The following EVA1A variants were observed in gnomAD, a reference collection of about 807,000 sequenced individuals.
The protein encoded by EVA1A is eva-1 homolog A, regulator of programmed cell death.
Under a neutral mutation model 9.8 loss-of-function variants are expected in EVA1A, and 7 were observed. That is an observed-to-expected ratio of 0.71 (90% CI 0.41 to 1.34). The LOEUF (loss-of-function observed/expected upper bound fraction) is 1.34. Ranked by LOEUF, EVA1A falls within the 40% of genes most tolerant of loss-of-function variation. The pLI is 0.01. For synonymous variants in EVA1A, 90 were observed against 85.6 expected (o/e 1.05, Z -0.28); for missense variants, 206 against 205.9 (o/e 1.00, Z 0.00).
At chr2:75,510,435 A>T (rs1674769476) in intron 3 of EVA1A, among the ~76,000 whole-genome samples, 1 of 152,150 alleles carries the variant, frequency 6.6e-6, no homozygotes. Context: ...TAATGAGAAA[A>T]CCCAGAACTA....
In EVA1A at chr2:75,501,512, A is replaced by C. The variant is rs563672126; in HGVS notation, c.86-7903T>G. 7.9e-5 allele frequency among the ~76,000 whole-genome samples: 12 copies of C among 152,342 alleles called. No homozygotes were observed. The South Asian group carries it at 2.5e-3, about 32-fold the overall frequency. ...TTAGGAGGTATGGCTTTGAGTATAT[A>C]AATTAGAAATGAGTTTGTACTGCTT... On this transcript the variant is annotated intron_variant, in intron 3 of 3. Coordinates refer to ENST00000393913, the MANE Select transcript of EVA1A (RefSeq NM_001135032.2).
upstream of EVA1A, among the ~76,000 whole-genome samples, chr2:75,563,307 G>A (rs1018082599): frequency 1.3e-5 from 2 of 152,126 alleles, no homozygotes; most frequent in Non-Finnish European, 1.5e-5. Flanking sequence ...GGGTTCCTAC[G>A]GGTCATTCTC....
At position 75,518,075 on chromosome 2, in the gene EVA1A, C is replaced by A. The variant is rs767025615; in HGVS notation, c.66G>T (p.Ala22=). The change falls in exon 3 of 4, where the codon GCG becomes GCT. Residue 22 remains alanine, a synonymous_variant. Coordinates refer to ENST00000393913, the MANE Select transcript of EVA1A (RefSeq NM_001135032.2). ...ACCTACCTGAGACAAAGGAATAGGCCGCTAGGATGTTGCTGAGCAAAGCCA... is the reference window on the plus strand; with the variant it reads ...ACCTACCTGAGACAAAGGAATAGGCAGCTAGGATGTTGCTGAGCAAAGCCA... ...VEMALLSNIL[A]AYSFVSENPE... The A allele has an allele frequency of 1.2e-6, 2 of 1,613,984 alleles. No individual in the cohort carries two copies. The highest frequency in any genetic ancestry group is 1.7e-6 in the Non-Finnish European group (2 of 1,180,008).
intron 1 of EVA1A, among the ~76,000 whole-genome samples, chr2:75,545,053 A>C (rs1676279119): frequency 6.6e-6 from 1 of 152,238 alleles, no homozygotes; most frequent in Non-Finnish European, 1.5e-5. Context: ...AAATTTATCA[A>C]GCTAATATAT....
intron 3 of EVA1A, among the ~76,000 whole-genome samples, chr2:75,502,263 C>T (rs1674456100): frequency 6.6e-6 from 1 of 152,186 alleles, no homozygotes; most frequent in South Asian, 2.1e-4. Context: ...GAATCTGGAG[C>T]TCCATAAATC....
chr2:75,529,420 T>C (rs1386064015), intron 1 of EVA1A, among the ~76,000 whole-genome samples: 1 of 152,200 alleles, frequency 6.6e-6, no homozygotes, highest in Non-Finnish European at 1.5e-5. Context: ...TTACAGAATA[T>C]TCTGCCCAAC....
chr2:75,497,117 A>G (rs906914062), intron 3 of EVA1A, among the ~76,000 whole-genome samples: 2 of 152,236 alleles, frequency 1.3e-5, no homozygotes, highest in Non-Finnish European at 2.9e-5. Context: ...CATTCTGGAC[A>G]CTGGCTTTGG....
chr2:75,517,680 C>T (rs1387401677), intron 3 of EVA1A: 1 of 651,846 alleles, frequency 1.5e-6, no homozygotes, highest in African/African-American at 1.8e-5. Context: ...CACAGTCTCA[C>T]ACACAGGCAG....
At chr2:75,545,372 C>T (rs1240628447) in intron 1 of EVA1A, among the ~76,000 whole-genome samples, 4 of 152,046 alleles carry the variant, frequency 2.6e-5, no homozygotes, top group Admixed American at 1.3e-4. Flanking sequence ...AGAGGGGAAA[C>T]TTTGGGACTG....
intron 1 of EVA1A, among the ~76,000 whole-genome samples, chr2:75,551,914 C>T (rs1177638559): frequency 6.6e-6 from 1 of 152,186 alleles, no homozygotes; most frequent in Non-Finnish European, 1.5e-5. Context: ...GGCACCGTAG[C>T]TCATGCCTGT....
intron 3 of EVA1A, 28 bp downstream of exon 3, chr2:75,518,028 C>T (rs1247976146): frequency 6.2e-7 from 1 of 1,613,128 alleles, no homozygotes. Flanking sequence ...AGACCTCAGT[C>T]CTGGCCCAGT....
At chr2:75,538,931 T>C (rs78328340) in intron 1 of EVA1A, among the ~76,000 whole-genome samples, 4,276 of 152,292 alleles carry the variant, frequency 0.028, 138 homozygotes, top group East Asian at 0.15. Context: ...CTTGACTGTA[T>C]CAATGTCAAC....
intron 1 of EVA1A, among the ~76,000 whole-genome samples, chr2:75,569,125 ATATT>A (rs1677079273): frequency 1.3e-5 from 2 of 152,130 alleles, no homozygotes; most frequent in Non-Finnish European, 2.9e-5. Context: ...ATGCCAACAT[ATATT>A]GTTTTTTGAC....
chr2:75,549,050 G>T (rs1395707330), intron 1 of EVA1A, among the ~76,000 whole-genome samples: 2 of 146,022 alleles, frequency 1.4e-5, no homozygotes, highest in Non-Finnish European at 3.0e-5. Flanking sequence ...AAATGAAAGA[G>T]AATCTAAGGT....
At chr2:75,515,248 G>A (rs1243401260) in intron 3 of EVA1A, among the ~76,000 whole-genome samples, 1 of 152,012 alleles carries the variant, frequency 6.6e-6, no homozygotes, top group African/African-American at 2.4e-5. Flanking sequence ...TCATTTACTT[G>A]TAGGGCCCAT....
At chr2:75,534,552 C>T (rs1328525777) in intron 1 of EVA1A, among the ~76,000 whole-genome samples, 3 of 149,828 alleles carry the variant, frequency 2.0e-5, no homozygotes, top group Non-Finnish European at 3.0e-5. Flanking sequence ...AGACAAAAGA[C>T]AAAATGGCAA....
chr2:75,550,863 C>T (rs901691467), intron 1 of EVA1A, among the ~76,000 whole-genome samples: 1 of 152,334 alleles, frequency 6.6e-6, no homozygotes, highest in South Asian at 2.1e-4. Context: ...GTGGCTCACG[C>T]CTGTAATCCC....
At chr2:75,497,765 C>A (rs999092691) in intron 3 of EVA1A, among the ~76,000 whole-genome samples, 1 of 144,566 alleles carries the variant, frequency 6.9e-6, no homozygotes, top group Non-Finnish European at 1.5e-5. Context: ...GCAGGAGGAT[C>A]GCTTGAGCCA....
At chr2:75,517,103 C>G (rs1254626300) in intron 3 of EVA1A, among the ~76,000 whole-genome samples, 1 of 151,976 alleles carries the variant, frequency 6.6e-6, no homozygotes, top group South Asian at 2.1e-4. Flanking sequence ...TGCGCGTCAT[C>G]CAAGATCCTC....
Sources: gnomAD v4.1 joint callset for allele counts (sites outside exome capture counted in the v4.1 genomes callset) on GRCh38, gnomAD v4.1.1 for gene constraint, MANE v1.5 for transcripts, NCBI Gene and HGNC (gene_info 2026-07-23, HGNC 2026-07-21) for gene names.